TCF7L1: variants seen among roughly 807,000 people sequenced by gnomAD.
The protein encoded by TCF7L1 is transcription factor 7-like 1.
A neutral mutation model predicts 63.7 loss-of-function variants in TCF7L1; 18 were observed. The observed-to-expected ratio is 0.28, with a 90% CI of 0.20 to 0.42. The LOEUF is 0.42. Among genes scored for constraint, TCF7L1 ranks in the 10% least tolerant of loss-of-function variants. The pLI, the probability that TCF7L1 is intolerant of heterozygous loss-of-function variation, is 1.00. For synonymous variants in TCF7L1, 355 were observed against 340.9 expected (o/e 1.04, Z -0.46); for missense variants, 654 against 779.3 (o/e 0.84, Z 1.91).
At chr2:85,303,118 C>G (rs1327417573) in intron 5 of TCF7L1, among the ~76,000 whole-genome samples, 4 of 152,154 alleles carry the variant, frequency 2.6e-5, no homozygotes, top group Admixed American at 6.5e-5. Context: ...GCAGCCTTGA[C>G]CTCCCGGGCT....
At chr2:85,224,687 C>T (rs1291475782) in intron 3 of TCF7L1, among the ~76,000 whole-genome samples, 2 of 152,038 alleles carry the variant, frequency 1.3e-5, no homozygotes, top group Non-Finnish European at 2.9e-5. Context: ...GATATTAGTC[C>T]TTTGTCAGAT....
chr2:85,180,929 G>T (rs1678792627), intron 3 of TCF7L1, among the ~76,000 whole-genome samples: 1 of 152,196 alleles, frequency 6.6e-6, no homozygotes, highest in Non-Finnish European at 1.5e-5. Context: ...ATGATTCCTA[G>T]CCCCAGCCTT....
At position 85,203,720 on chromosome 2, in the gene TCF7L1, C is replaced by A. The variant is rs539358281; in HGVS notation, c.441+69270C>A. ...CTCCAGCCTGGGTGACAGAGTGAGA[C>A]CCTATCTCAAAAAAAGAAAAAAGAA... On this transcript the variant is annotated intron_variant, in intron 3 of 11. Transcript: ENST00000282111. Among the ~76,000 whole-genome samples the A allele has an allele frequency of 4.8e-5, 7 of 146,056 alleles. No homozygotes were observed. The South Asian group carries it at 1.5e-3, about 31-fold the overall frequency.
At chr2:85,216,475 T>G (rs1679714720) in intron 3 of TCF7L1, among the ~76,000 whole-genome samples, 1 of 152,172 alleles carries the variant, frequency 6.6e-6, no homozygotes, top group Non-Finnish European at 1.5e-5. Flanking sequence ...AGTGAGCAAT[T>G]GGTGATATTA....
chr2:85,214,822 C>A (rs931789638), intron 3 of TCF7L1, among the ~76,000 whole-genome samples: 1 of 152,186 alleles, frequency 6.6e-6, no homozygotes, highest in Non-Finnish European at 1.5e-5. Flanking sequence ...GAATAAGTAA[C>A]AATAAAGAAA....
At chr2:85,224,663 C>A (rs182394247) in intron 3 of TCF7L1, among the ~76,000 whole-genome samples, 1 of 152,128 alleles carries the variant, frequency 6.6e-6, no homozygotes, top group East Asian at 1.9e-4. Flanking sequence ...TGTTTAAGTT[C>A]TTTGTAGATT....
At chr2:85,232,381 A>G (rs1191407675) in intron 3 of TCF7L1, among the ~76,000 whole-genome samples, 1 of 152,024 alleles carries the variant, frequency 6.6e-6, no homozygotes, top group African/African-American at 2.4e-5. Flanking sequence ...CTACCCTCAG[A>G]TTTATTCATT....
chr2:85,259,023 C>T (rs759563326), intron 3 of TCF7L1, among the ~76,000 whole-genome samples: 1 of 152,210 alleles, frequency 6.6e-6, no homozygotes, highest in Non-Finnish European at 1.5e-5. Flanking sequence ...CCCCCACACT[C>T]GGTGACACCC....
chr2:85,192,501 C>T (rs1054770206), intron 3 of TCF7L1, among the ~76,000 whole-genome samples: 2 of 152,034 alleles, frequency 1.3e-5, no homozygotes, highest in Non-Finnish European at 1.5e-5. Flanking sequence ...GATTCTCATG[C>T]GTCAGCCTCC....
At chr2:85,242,622 C>T (rs948891363) in intron 3 of TCF7L1, among the ~76,000 whole-genome samples, 2 of 152,224 alleles carry the variant, frequency 1.3e-5, no homozygotes, top group African/African-American at 4.8e-5. Context: ...GAGGTTTGTG[C>T]ACACCCTGTA....
At chr2:85,244,989 C>T (rs1299585411) in intron 3 of TCF7L1, among the ~76,000 whole-genome samples, 2 of 152,008 alleles carry the variant, frequency 1.3e-5, no homozygotes, top group African/African-American at 4.8e-5. Context: ...TGCTGAAGGT[C>T]GAGTGAGATG....
intron 3 of TCF7L1, among the ~76,000 whole-genome samples, chr2:85,210,092 G>T (rs980613766): frequency 6.6e-6 from 1 of 152,192 alleles, no homozygotes; most frequent in Non-Finnish European, 1.5e-5. Context: ...TCACAGGTCA[G>T]TGTTGATTCA....
chr2:85,245,387 C>G (rs1265650847), intron 3 of TCF7L1, among the ~76,000 whole-genome samples: 1 of 152,210 alleles, frequency 6.6e-6, no homozygotes, highest in African/African-American at 2.4e-5. Flanking sequence ...TCACCAGTCC[C>G]TCTTCCCTCT....
chr2:85,252,217 A>T (rs1237342063), intron 3 of TCF7L1, among the ~76,000 whole-genome samples: 1 of 152,186 alleles, frequency 6.6e-6, no homozygotes, highest in Non-Finnish European at 1.5e-5. Context: ...AACTGAGGCT[A>T]TGGGTGGTCC....
chr2:85,134,531 G>C lies in TCF7L1; in HGVS notation c.441+81G>C, dbSNP rs1677544032. The C allele has an allele frequency of 6.6e-7, 1 of 1,509,856 alleles. No individual in the cohort carries two copies. The highest frequency in any genetic ancestry group is 8.9e-7 in the Non-Finnish European group (1 of 1,128,560). 93.5% of individuals were successfully genotyped at this position (1,509,856 alleles called of 1,614,324 possible). ...GCCCCCGGGCTTGGCCATGGAGTGGGGGATGGGGCCTTCTGCGCCGATCCC... is the reference window on the plus strand; with the variant it reads ...GCCCCCGGGCTTGGCCATGGAGTGGCGGATGGGGCCTTCTGCGCCGATCCC... On this transcript the variant is annotated intron_variant, in intron 3 of 11. Coordinates refer to ENST00000282111, the MANE Select transcript of TCF7L1 (RefSeq NM_031283.3). The surrounding 1 kb of genome is among the most constrained non-coding windows in gnomAD (Gnocchi z 5.0).
chr2:85,242,624 C>G (rs1308391474), intron 3 of TCF7L1, among the ~76,000 whole-genome samples: 1 of 152,208 alleles, frequency 6.6e-6, no homozygotes, highest in Admixed American at 6.5e-5. Context: ...GGTTTGTGCA[C>G]ACCCTGTATA....
intron 3 of TCF7L1, among the ~76,000 whole-genome samples, chr2:85,142,432 ATGTGTGTGTGTG>A (rs138067915): frequency 1.8e-4 from 25 of 138,076 alleles, no homozygotes; most frequent in African/African-American, 4.7e-4. Context: ...AAAAAAAAAA[ATGTGTGTGTGTG>A]TGTGTGTGTG....
chr2:85,298,219 C>T (rs1343913353), intron 4 of TCF7L1, among the ~76,000 whole-genome samples: 7 of 88,362 alleles, frequency 7.9e-5, no homozygotes, highest in African/African-American at 3.4e-4. Context: ...GCAGGCCGGG[C>T]GCGGTGGCTC....
intron 3 of TCF7L1, among the ~76,000 whole-genome samples, chr2:85,267,554 C>T (rs964783062): frequency 6.8e-6 from 1 of 146,680 alleles, no homozygotes; most frequent in East Asian, 2.0e-4. Flanking sequence ...GAGGCTGAGG[C>T]AGGAAAATCA....
Sources: gnomAD v4.1 joint callset for allele counts (sites outside exome capture counted in the v4.1 genomes callset) on GRCh38, gnomAD v4.1.1 for gene constraint, Gnocchi (gnomAD v3.1) non-coding constraint, MANE v1.5 for transcripts, NCBI Gene and HGNC (gene_info 2026-07-23, HGNC 2026-07-21) for gene names.